The following PTAR1 variants were observed in gnomAD, a reference collection of about 807,000 sequenced individuals.
PTAR1 encodes the protein protein prenyltransferase alpha subunit repeat-containing protein 1.
In PTAR1, 17 loss-of-function variants were observed where a neutral mutation model predicts 45.5. That is an observed-to-expected ratio of 0.37 (90% CI 0.26 to 0.56). The LOEUF (loss-of-function observed/expected upper bound fraction) is 0.56, where lower values mean the gene tolerates loss of function less well. Ranked by LOEUF, PTAR1 falls within the 20% of genes least tolerant of loss-of-function variation. The pLI is 0.77. For missense variants in PTAR1, 391 were observed against 476.3 expected, an observed-to-expected ratio of 0.82 and a Z score of 1.67; for synonymous variants, 169 against 171.3, an observed-to-expected ratio of 0.99 and a Z score of 0.11.
Position 69,727,040 on chromosome 9 carries a change from C to G in PTAR1, c.643-3410G>C, listed in dbSNP as rs561447701. Among the ~76,000 whole-genome samples, 402 of 150,908 alleles carry G rather than the reference C, an allele frequency of 2.7e-3. 2 individuals carry two copies. The highest frequency in any genetic ancestry group is 8.9e-3 in the African/African-American group (367 of 41,110). On this transcript the variant is annotated intron_variant, in intron 5 of 7. Coordinates refer to ENST00000340434, the MANE Select transcript of PTAR1 (RefSeq NM_001099666.2). ...AATTGTGTATATACACACACACACA[C>G]ACACACACACACGTATACACACACA...
At chr9:69,727,026 T>TACAC (rs71356128) in intron 5 of PTAR1, among the ~76,000 whole-genome samples, 45,170 of 146,948 alleles carry the variant, frequency 0.31, 7,087 homozygotes, top group East Asian at 0.46. Flanking sequence ...ATTGTGTATA[T>TACAC]ACACACACAC....
chr9:69,732,087 A>C (rs1157245871), intron 5 of PTAR1, 52 bp downstream of exon 5: 1 of 1,322,690 alleles, frequency 7.6e-7, no homozygotes, highest in Non-Finnish European at 1.1e-6. Context: ...CTACTACCAG[A>C]AGATTTTAAG....
intron 1 of PTAR1, among the ~76,000 whole-genome samples, chr9:69,752,104 T>TTAA (rs1422569825): frequency 3.9e-5 from 6 of 152,096 alleles, no homozygotes; most frequent in African/African-American, 1.4e-4. Context: ...AAATAAATGT[T>TTAA]TTTAGAGTGT....
chr9:69,754,555 T>TC (rs1196067879), intron 1 of PTAR1, among the ~76,000 whole-genome samples: 1 of 108,160 alleles, frequency 9.2e-6, no homozygotes, highest in African/African-American at 3.5e-5. Flanking sequence ...TTTTTTTTTT[T>TC]CCTGAGACAG....
intron 2 of PTAR1, among the ~76,000 whole-genome samples, chr9:69,743,376 C>G (rs1027336498): frequency 6.6e-6 from 1 of 152,036 alleles, no homozygotes; most frequent in Non-Finnish European, 1.5e-5. Flanking sequence ...TTTTTAATAT[C>G]TAAGAGCAAA....
intron 2 of PTAR1, among the ~76,000 whole-genome samples, chr9:69,746,141 CA>C (rs1826263681): frequency 6.6e-6 from 1 of 152,122 alleles, no homozygotes; most frequent in South Asian, 2.1e-4. Context: ...GTAAATATTC[CA>C]GTCTGATATA....
intron 4 of PTAR1, among the ~76,000 whole-genome samples, chr9:69,733,182 T>C (rs1203706449): frequency 6.6e-6 from 1 of 152,160 alleles, no homozygotes; most frequent in African/African-American, 2.4e-5. Context: ...GATGGATGCA[T>C]ATTTAACAGT....
chr9:69,739,608 C>G (rs1825949969), intron 3 of PTAR1, among the ~76,000 whole-genome samples: 1 of 152,012 alleles, frequency 6.6e-6, no homozygotes, highest in Non-Finnish European at 1.5e-5. Flanking sequence ...CACTCAATGC[C>G]TTCCAGGGTT....
chr9:69,740,798 TGA>T (rs1826012217), intron 3 of PTAR1, among the ~76,000 whole-genome samples: 3 of 152,260 alleles, frequency 2.0e-5, no homozygotes, highest in African/African-American at 7.2e-5. Flanking sequence ...AAATATAATG[TGA>T]GTCACAAATA....
chr9:69,730,167 T>C (rs916057322), intron 5 of PTAR1, among the ~76,000 whole-genome samples: 4 of 152,106 alleles, frequency 2.6e-5, no homozygotes, highest in Non-Finnish European at 4.4e-5. Context: ...GCAAGAGATG[T>C]TGCAGTGGCA....
rs1050882224 is a variant in PTAR1, at chr9:69,710,772, T to C, written c.*7570A>G. ...AAGACCATTAGTCTCTTCAGTAAAA[T>C]AGTTAGCCAAACTTATCTTTAATGG... On this transcript the variant is annotated 3_prime_UTR_variant, in exon 8 of 8. Transcript: ENST00000340434. 5 of 152,250 alleles carry C rather than the reference T, an allele frequency of 3.3e-5. No individual in the cohort carries two copies. Among genetic ancestry groups the C allele is most frequent in the Admixed American group, 6.5e-5 (1 of 15,268 alleles). The allele number at this position is 152,250 out of a possible 1,614,324, so 9.4% of individuals were successfully genotyped here.
intron 6 of PTAR1, among the ~76,000 whole-genome samples, chr9:69,720,331 A>G (rs1219197973): frequency 6.6e-6 from 1 of 152,218 alleles, no homozygotes; most frequent in African/African-American, 2.4e-5. Flanking sequence ...GATCAGCCAC[A>G]ACATTCCCTT....
chr9:69,751,238 A>C (rs1016806296), intron 1 of PTAR1, among the ~76,000 whole-genome samples: 18 of 152,120 alleles, frequency 1.2e-4, no homozygotes. Context: ...CCAGCAATTC[A>C]ACTGCTCAGA....
rs1564128406 is a variant in PTAR1, at chr9:69,723,650, GAAGT to G, written c.643-24_643-21del. ...AAGAATCTTTTAAGAAGAAAAAAGG[GAAGT>G]AAGAAGAAGAGTTCCCAAAGGTTCT... On this transcript the variant is annotated intron_variant, in intron 5 of 7. Transcript: ENST00000340434. The G allele has an allele frequency of 1.9e-6, 3 of 1,547,834 alleles. No individual in the cohort carries two copies. The highest frequency in any genetic ancestry group is 2.4e-5 in the South Asian group (2 of 84,710).
At chr9:69,739,709 G>T (rs938155821) in intron 3 of PTAR1, among the ~76,000 whole-genome samples, 8 of 152,120 alleles carry the variant, frequency 5.3e-5, no homozygotes, top group Non-Finnish European at 8.8e-5. Context: ...TTACTTTGAA[G>T]TTGGTAGTTT....
At chr9:69,747,553 C>G (rs1245395659) in intron 2 of PTAR1, among the ~76,000 whole-genome samples, 1 of 152,092 alleles carries the variant, frequency 6.6e-6, no homozygotes, top group African/African-American at 2.4e-5. Flanking sequence ...AAAAAAGTAG[C>G]AAAGGAAATT....
At chr9:69,720,593 T>A (rs751333879) in intron 6 of PTAR1, among the ~76,000 whole-genome samples, 3 of 152,222 alleles carry the variant, frequency 2.0e-5, no homozygotes, top group Non-Finnish European at 4.4e-5. Context: ...ATTTGCAATG[T>A]AGATGAAATA....
intron 4 of PTAR1, among the ~76,000 whole-genome samples, chr9:69,733,075 AT>A (rs1825616108): frequency 6.6e-6 from 1 of 150,722 alleles, no homozygotes; most frequent in Non-Finnish European, 1.5e-5. Flanking sequence ...GGTACAGGAA[AT>A]TAAGTAAGAA....
chr9:69,751,620 T>C (rs1309450282), intron 1 of PTAR1, among the ~76,000 whole-genome samples: 1 of 152,104 alleles, frequency 6.6e-6, no homozygotes, highest in Non-Finnish European at 1.5e-5. Context: ...AATAATTGTA[T>C]GTATTTCTAT....
Sources: allele counts gnomAD v4.1 joint callset (sites outside exome capture counted in the v4.1 genomes callset), GRCh38; gene constraint gnomAD v4.1.1; transcripts MANE v1.5; gene names NCBI Gene and HGNC (gene_info 2026-07-23, HGNC 2026-07-21).